Variants in INTS6 observed in about 807,000 individuals in gnomAD.
INTS6 encodes integrator complex subunit 6.
In INTS6, 16 loss-of-function variants were observed where a neutral mutation model predicts 104.9. The observed-to-expected ratio is 0.15, with a 90% CI of 0.10 to 0.23. The LOEUF (loss-of-function observed/expected upper bound fraction) is 0.23. Ranked by LOEUF, INTS6 falls within the 10% of genes least tolerant of loss-of-function variation. The pLI, the probability that INTS6 is intolerant of heterozygous loss-of-function variation, is 1.00. For synonymous variants in INTS6, 324 were observed against 358.7 expected, an observed-to-expected ratio of 0.90 and a Z score of 1.09; for missense variants, 584 against 1,062.8, an observed-to-expected ratio of 0.55 and a Z score of 6.26.
At chr13:51,433,864 G>A (rs954858999) in intron 3 of INTS6, among the ~76,000 whole-genome samples, 7 of 152,094 alleles carry the variant, frequency 4.6e-5, no homozygotes, top group Non-Finnish European at 7.3e-5. Context: ...TACTGCTATC[G>A]TCTTGATAAT....
chr13:51,344,624 C>A, the INTS6 span: 1 of 679,514 alleles, frequency 1.5e-6, no homozygotes, highest in Non-Finnish European at 2.5e-6. Context: ...GAGATCCTAC[C>A]CTTGAATGAC....
At chr13:51,379,693 A>C (rs765088185) in intron 10 of INTS6, 121 bp from the exon 11 acceptor site, 31 of 497,080 alleles carry the variant, frequency 6.2e-5, no homozygotes, top group Non-Finnish European at 9.6e-5. Context: ...TCAATAAGGA[A>C]GTAACACAAT....
chr13:51,449,970 A>G, intron 3 of INTS6: 2 of 985,342 alleles, frequency 2.0e-6, no homozygotes, highest in Non-Finnish European at 2.4e-6. Context: ...AAAGACACTT[A>G]AGCACTGAAG....
chr13:51,340,529 A>G, the INTS6 span, among the ~76,000 whole-genome samples: 2 of 152,340 alleles, frequency 1.3e-5, no homozygotes, highest in African/African-American at 4.8e-5. Flanking sequence ...TTCTTTCCCC[A>G]TACAAATGAG....
intron 3 of INTS6, among the ~76,000 whole-genome samples, chr13:51,431,513 C>T (rs991834666): frequency 5.3e-5 from 8 of 152,170 alleles, no homozygotes; most frequent in South Asian, 2.1e-4. Context: ...GAGTTATAAA[C>T]ATATAATATT....
chr13:51,344,450 T>A, the INTS6 span: 1 of 1,602,340 alleles, frequency 6.2e-7, no homozygotes, highest in Non-Finnish European at 8.5e-7. Context: ...AGCACCGCCA[T>A]CCAGACTAGC....
intron 7 of INTS6, 43 bp downstream of exon 7, chr13:51,387,343 G>C: frequency 6.6e-7 from 1 of 1,525,142 alleles, no homozygotes; most frequent in Non-Finnish European, 8.9e-7. Flanking sequence ...AGGAAAGACA[G>C]CTGAATGGTT....
chr13:51,435,609 GA>G (rs1223537206), intron 3 of INTS6, among the ~76,000 whole-genome samples: 6 of 151,572 alleles, frequency 4.0e-5, no homozygotes, highest in Non-Finnish European at 8.9e-5. Flanking sequence ...AACAAATTTT[GA>G]AAAAAAATTT....
chr13:51,396,207 A>G (rs1383201997), intron 4 of INTS6, among the ~76,000 whole-genome samples: 1 of 152,198 alleles, frequency 6.6e-6, no homozygotes, highest in Non-Finnish European at 1.5e-5. Context: ...ACATCTTTAC[A>G]GCTCTTAATA....
At chr13:51,357,120 G>A (rs926473103), downstream of INTS6, among the ~76,000 whole-genome samples, 1 of 152,164 alleles carries the variant, frequency 6.6e-6, no homozygotes, top group African/African-American at 2.4e-5. Flanking sequence ...ACACCATATG[G>A]CTTGCAGTGG....
chr13:51,361,462 C>T, downstream of INTS6: 1 of 804,166 alleles, frequency 1.2e-6, no homozygotes, highest in Non-Finnish European at 2.1e-6. Context: ...TTCCATAACC[C>T]CCAAGTTCAG....
intron 4 of INTS6, chr13:51,421,079 C>G: frequency 1.1e-6 from 1 of 909,372 alleles, no homozygotes; most frequent in Non-Finnish European, 1.3e-6. Context: ...ATAGTCATAG[C>G]CCCCAGAGAG....
intron 3 of INTS6, chr13:51,440,755 T>C (rs1039833353): frequency 7.2e-5 from 11 of 152,228 alleles, no homozygotes; most frequent in Non-Finnish European, 1.6e-4. Context: ...ATGGGTCATA[T>C]ACCATATAGC....
chr13:51,374,921 T>A, intron 13 of INTS6, 125 bp from the exon 14 acceptor site: 1 of 958,628 alleles, frequency 1.0e-6, no homozygotes, highest in Non-Finnish European at 1.5e-6. Flanking sequence ...TATTCTAAAT[T>A]TGTTTGGTGC....
intron 6 of INTS6, 91 bp downstream of exon 6, chr13:51,389,228 A>G (rs1447692226): frequency 1.1e-5 from 16 of 1,408,506 alleles, no homozygotes; most frequent in African/African-American, 4.4e-5. Flanking sequence ...GGCCTTGCCT[A>G]TCTTAAGGCC....
chr13:51,360,452 T>A (rs1207791761), downstream of INTS6, among the ~76,000 whole-genome samples: 2 of 152,070 alleles, frequency 1.3e-5, no homozygotes, highest in African/African-American at 4.8e-5. Context: ...TTCCTAAGTT[T>A]CTTCTGGTTC....
At chr13:51,367,103 G>A (rs1310288464) in intron 17 of INTS6, among the ~76,000 whole-genome samples, 1 of 151,824 alleles carries the variant, frequency 6.6e-6, no homozygotes, top group Non-Finnish European at 1.5e-5. Context: ...TGTATAAAAT[G>A]GCCCAATATT....
At chr13:51,423,730 A>G (rs1956936951) in intron 4 of INTS6, among the ~76,000 whole-genome samples, 2 of 152,116 alleles carry the variant, frequency 1.3e-5, no homozygotes. Flanking sequence ...TCTAAAGGTC[A>G]AGAATTATTT....
intron 6 of INTS6, among the ~76,000 whole-genome samples, chr13:51,388,998 G>C (rs975402371): frequency 6.6e-6 from 1 of 152,198 alleles, no homozygotes; most frequent in African/African-American, 2.4e-5. Flanking sequence ...AAGGGCATAG[G>C]AGAAGCATAT....
Sources: gnomAD v4.1 joint callset for allele counts (sites outside exome capture counted in the v4.1 genomes callset) on GRCh38, gnomAD v4.1.1 for gene constraint, MANE v1.5 for transcripts, NCBI Gene and HGNC (gene_info 2026-07-23, HGNC 2026-07-21) for gene names.